Variants in CADPS2 observed in about 807,000 individuals in gnomAD.
CADPS2 encodes calcium dependent secretion activator 2.
CADPS2 carries 93 observed loss-of-function variants against 172.5 expected under a neutral mutation model. The ratio of observed to expected loss-of-function variants is 0.54; its 90% confidence interval spans 0.46 to 0.64. The LOEUF is 0.64. Ranked by LOEUF, CADPS2 falls within the 30% of genes least tolerant of loss-of-function variation. The pLI is 0.00. For synonymous variants in CADPS2, 546 were observed against 555.2 expected (o/e 0.98, Z 0.23); for missense variants, 1,420 against 1,565.9 (o/e 0.91, Z 1.57).
chr7:122,321,456 C>T (rs1218025590), intron 29 of CADPS2, among the ~76,000 whole-genome samples: 1 of 152,194 alleles, frequency 6.6e-6, no homozygotes, highest in East Asian at 1.9e-4. Context: ...GCCTGAGCCA[C>T]TGTGCCTGGC....
intron 19 of CADPS2, 67 bp downstream of exon 19, chr7:122,414,001 T>A (rs540116477): frequency 2.3e-6 from 3 of 1,315,112 alleles, no homozygotes; most frequent in Non-Finnish European, 2.1e-6. Context: ...TCAGAGTAGA[T>A]TGTATTTTAA....
At chr7:122,441,847 C>G (rs1020854497) in intron 15 of CADPS2, among the ~76,000 whole-genome samples, 1 of 152,134 alleles carries the variant, frequency 6.6e-6, no homozygotes, top group Admixed American at 6.5e-5. Context: ...AATAAAAGAA[C>G]CTCAAGGGTC....
chr7:122,876,592 G>A (rs533249359), intron 1 of CADPS2, among the ~76,000 whole-genome samples: 1 of 151,964 alleles, frequency 6.6e-6, no homozygotes, highest in Non-Finnish European at 1.5e-5. Flanking sequence ...CCAACTCCTG[G>A]GCTTAAGTGA....
intron 1 of CADPS2, among the ~76,000 whole-genome samples, chr7:122,774,778 A>G (rs1044922654): frequency 6.6e-6 from 1 of 152,294 alleles, no homozygotes; most frequent in Admixed American, 6.5e-5. Context: ...TTGAGAATTT[A>G]TTAACTTTCC....
intron 2 of CADPS2, among the ~76,000 whole-genome samples, chr7:122,677,152 G>A (rs2082463102): frequency 6.6e-6 from 1 of 152,204 alleles, no homozygotes; most frequent in African/African-American, 2.4e-5. Context: ...AGAGCTTACA[G>A]TGGGGCAAAC....
At chr7:122,600,589 C>A (rs143013289) in intron 6 of CADPS2, among the ~76,000 whole-genome samples, 12 of 152,164 alleles carry the variant, frequency 7.9e-5, no homozygotes, top group Admixed American at 2.0e-4. Flanking sequence ...GAAATCAAGA[C>A]CCCTGCTCTA....
chr7:122,813,963 A>G (rs1232752299), intron 1 of CADPS2, among the ~76,000 whole-genome samples: 1 of 151,994 alleles, frequency 6.6e-6, no homozygotes, highest in Non-Finnish European at 1.5e-5. Flanking sequence ...TCTAGATTCA[A>G]TTCTTTGATT....
intron 2 of CADPS2, among the ~76,000 whole-genome samples, chr7:122,717,536 T>C (rs1048362595): frequency 6.6e-6 from 1 of 152,034 alleles, no homozygotes; most frequent in South Asian, 2.1e-4. Context: ...ACTGAAAGAG[T>C]AATAACTAAC....
chr7:122,348,192 T>G (rs977695494), intron 27 of CADPS2, among the ~76,000 whole-genome samples: 1 of 152,224 alleles, frequency 6.6e-6, no homozygotes, highest in Non-Finnish European at 1.5e-5. Flanking sequence ...CCTATCAGTC[T>G]CAGTGGAAAC....
Position 122,572,005 on chromosome 7 carries a change from A to T in CADPS2, c.1335+9174T>A, listed in dbSNP as rs551507575. On this transcript the variant is annotated intron_variant, in intron 7 of 29. Coordinates refer to ENST00000449022, the MANE Select transcript of CADPS2 (RefSeq NM_017954.11). The stretch of plus-strand genomic sequence containing the variant: ...CTTAACTCTCACAGACAAAATTTAT[A>T]TTGGGGATTTAAGAATGCCAGCATT... 1.4e-4 allele frequency among the ~76,000 whole-genome samples: 22 copies of T among 152,306 alleles called. No individual in the cohort carries two copies. The South Asian group carries it at 3.9e-3, about 27-fold the overall frequency.
intron 17 of CADPS2, chr7:122,427,371 C>A (rs967835493): frequency 6.6e-6 from 1 of 152,026 alleles, no homozygotes; most frequent in Non-Finnish European, 1.5e-5. Flanking sequence ...AACTCAGATA[C>A]TAGACAAACT....
intron 8 of CADPS2, among the ~76,000 whole-genome samples, chr7:122,550,716 T>C (rs1035198200): frequency 6.6e-6 from 1 of 152,180 alleles, no homozygotes; most frequent in Non-Finnish European, 1.5e-5. Flanking sequence ...TAGGCTATGC[T>C]AAGGTATAGC....
intron 25 of CADPS2, among the ~76,000 whole-genome samples, chr7:122,363,752 G>T (rs894860895): frequency 2.7e-4 from 41 of 152,098 alleles, no homozygotes; most frequent in Admixed American, 2.4e-3. Flanking sequence ...GAAATGTAAA[G>T]AATTAATATT....
chr7:122,737,328 G>A (rs541840508), intron 1 of CADPS2, among the ~76,000 whole-genome samples: 2 of 152,166 alleles, frequency 1.3e-5, no homozygotes, highest in Non-Finnish European at 2.9e-5. Context: ...GGGTTCAAGC[G>A]ATTCTCCTGC....
chr7:122,804,510 G>A (rs997127960), intron 1 of CADPS2, among the ~76,000 whole-genome samples: 2 of 152,128 alleles, frequency 1.3e-5, no homozygotes, highest in Non-Finnish European at 2.9e-5. Context: ...TTAATTTATT[G>A]TTTTTAATAG....
At chr7:122,538,995 A>G (rs2062623798) in intron 8 of CADPS2, among the ~76,000 whole-genome samples, 1 of 152,146 alleles carries the variant, frequency 6.6e-6, no homozygotes. Context: ...TGTTTAATGA[A>G]AAAAATTAAA....
intron 9 of CADPS2, 139 bp downstream of exon 9, chr7:122,513,110 G>C (rs2060119950): frequency 1.6e-6 from 1 of 606,084 alleles, no homozygotes; most frequent in Admixed American, 3.1e-5. Context: ...AGCATGTAAT[G>C]AATGTACTGC....
At chr7:122,702,359 T>C (rs557233219) in intron 2 of CADPS2, 5 of 1,613,850 alleles carry the variant, frequency 3.1e-6, no homozygotes, top group Middle Eastern at 1.7e-4. Context: ...ACCTTGATAG[T>C]TGTAGATGAT....
At position 122,689,420 on chromosome 7, in the gene CADPS2, T is replaced by C. The variant is rs1232750095; in HGVS notation, c.454-25851A>G. On this transcript the variant is annotated intron_variant, in intron 2 of 29. Coordinates refer to ENST00000449022, the MANE Select transcript of CADPS2 (RefSeq NM_017954.11). ...CAAAAGGAGGGCAACTCAGATGCAA[T>C]TCAGGGCCCGAGCTGTGTGCTCTGC... Among the ~76,000 whole-genome samples, 3 of 152,342 alleles carry C rather than the reference T, an allele frequency of 2.0e-5. No individual in the cohort carries two copies. In the East Asian group the frequency reaches 5.8e-4, roughly 29 times the overall value.
Sources: gnomAD v4.1 joint callset for allele counts (sites outside exome capture counted in the v4.1 genomes callset) on GRCh38, gnomAD v4.1.1 for gene constraint, MANE v1.5 for transcripts, NCBI Gene and HGNC (gene_info 2026-07-23, HGNC 2026-07-21) for gene names.